The following BMP5 variants were observed in gnomAD, a reference collection of about 807,000 sequenced individuals.
BMP5 encodes the protein bone morphogenetic protein 5.
Under a neutral mutation model 46.6 loss-of-function variants are expected in BMP5, and 23 were observed. The ratio of observed to expected loss-of-function variants is 0.49; its 90% CI spans 0.35 to 0.70. The LOEUF (loss-of-function observed/expected upper bound fraction) is 0.70, where lower values mean the gene tolerates loss of function less well. BMP5 is among the 30% of genes least tolerant of loss of function. The probability of loss-of-function intolerance (pLI) is 0.00; values close to 1 mark genes in which losing one functional copy is unlikely to be tolerated. For missense variants in BMP5, 545 were observed against 565.6 expected, an observed-to-expected ratio of 0.96 and a Z score of 0.37; for synonymous variants, 204 against 191.9, an observed-to-expected ratio of 1.06 and a Z score of -0.52.
chr6:55,799,406 G>A (rs1172122967), intron 2 of BMP5, among the ~76,000 whole-genome samples: 4 of 152,128 alleles, frequency 2.6e-5, no homozygotes, highest in African/African-American at 9.7e-5. Flanking sequence ...GAGAGGAGCA[G>A]AAAGAGGAGA....
intron 1 of BMP5, among the ~76,000 whole-genome samples, chr6:55,825,117 C>A (rs1776499322): frequency 6.6e-6 from 1 of 151,718 alleles, no homozygotes; most frequent in Non-Finnish European, 1.5e-5. Context: ...AAACAAGTTG[C>A]TTTCCTATAC....
At chr6:55,820,717 G>GTTGTTTGTTTGTTTGT (rs3065793) in intron 1 of BMP5, among the ~76,000 whole-genome samples, 1 of 151,236 alleles carries the variant, frequency 6.6e-6, no homozygotes, top group African/African-American at 2.4e-5. Flanking sequence ...TCTGCCCCGT[G>GTTGTTTGTTTGTTTGT]TTGTTTGTTT....
chr6:55,822,042 C>T (rs1168335542), intron 1 of BMP5, among the ~76,000 whole-genome samples: 2 of 152,110 alleles, frequency 1.3e-5, no homozygotes, highest in Non-Finnish European at 2.9e-5. Context: ...CATATTCTGC[C>T]TCATAACAGC....
intron 1 of BMP5, among the ~76,000 whole-genome samples, chr6:55,845,674 TG>T (rs1246344284): frequency 9.9e-5 from 15 of 152,024 alleles, no homozygotes; most frequent in Non-Finnish European, 2.1e-4. Flanking sequence ...CACAGTGGAT[TG>T]AGAATTGGTT....
At position 55,803,261 on chromosome 6, in the gene BMP5, A is replaced by G. The variant is rs750594371; in HGVS notation, c.684-8834T>C. Among the ~76,000 whole-genome samples the G allele has an allele frequency of 3.7e-4, 56 of 151,884 alleles. 1 individual carries two copies. The highest frequency in any genetic ancestry group is 4.9e-4 in the Non-Finnish European group (33 of 67,972). ...CAGTGAGCTGAGATCACGCCATTGC[A>G]CTCCAGCCTATGTGACAAGAGCGAA... On this transcript the variant is annotated intron_variant, in intron 2 of 6. Transcript: ENST00000370830.
intron 2 of BMP5, among the ~76,000 whole-genome samples, chr6:55,814,366 G>A (rs933113051): frequency 2.0e-5 from 3 of 152,114 alleles, no homozygotes; most frequent in Non-Finnish European, 4.4e-5. Context: ...ATTGATGAAT[G>A]TATTTATTAT....
At chr6:55,808,392 T>G (rs1372521475) in intron 2 of BMP5, among the ~76,000 whole-genome samples, 1 of 152,090 alleles carries the variant, frequency 6.6e-6, no homozygotes, top group Non-Finnish European at 1.5e-5. Context: ...TCTCCTGCCA[T>G]AGGAGGTTAA....
intron 1 of BMP5, among the ~76,000 whole-genome samples, chr6:55,862,042 C>G (rs1777537981): frequency 6.6e-6 from 1 of 152,198 alleles, no homozygotes; most frequent in Non-Finnish European, 1.5e-5. Flanking sequence ...TCTTGCACAT[C>G]ATAAGCACTA....
At chr6:55,856,165 T>C (rs969688787) in intron 1 of BMP5, among the ~76,000 whole-genome samples, 10 of 152,346 alleles carry the variant, frequency 6.6e-5, no homozygotes, top group African/African-American at 2.4e-4. Context: ...GTCTGGTATT[T>C]TTCACTTAGC....
At position 55,874,837 on chromosome 6, in the gene BMP5, C is replaced by T; in HGVS notation, c.29G>A (p.Gly10Asp). Residue 10 changes from glycine (G) to aspartate (D), a missense_variant, in exon 1 of 7, where the codon GGT becomes GAT. Gly to Asp is a moderately conservative substitution (Grantham distance 94). Transcript: ENST00000370830. MHLTVFLLK[G>D]IVGFLWSCWV... ...GCAGCTCCAGAGGAAACCCACAATACCCTTAAGTAAAAATACAGTCAGATG... is the reference window on the plus strand; with the variant it reads ...GCAGCTCCAGAGGAAACCCACAATATCCTTAAGTAAAAATACAGTCAGATG... 4 of 1,613,096 alleles carry T rather than the reference C, an allele frequency of 2.5e-6. No individual in the cohort carries two copies. The highest frequency in any genetic ancestry group is 3.4e-6 in the Non-Finnish European group (4 of 1,179,516).
At chr6:55,772,052 A>T (rs1775058361) in intron 4 of BMP5, among the ~76,000 whole-genome samples, 1 of 151,872 alleles carries the variant, frequency 6.6e-6, no homozygotes, top group Non-Finnish European at 1.5e-5. Context: ...ATAGACACAA[A>T]CCAGCTACTT....
intron 2 of BMP5, among the ~76,000 whole-genome samples, chr6:55,815,161 T>A (rs1947136): frequency 0.5 from 72,744 of 144,550 alleles, 20,454 homozygotes; most frequent in African/African-American, 0.78. Context: ...AAGAATTGAA[T>A]TACGAAGTAT....
intron 3 of BMP5, among the ~76,000 whole-genome samples, chr6:55,790,562 A>T (rs1350050544): frequency 6.6e-6 from 1 of 152,204 alleles, no homozygotes; most frequent in Non-Finnish European, 1.5e-5. Flanking sequence ...TCACTTGCCT[A>T]ATAGCATCTG....
At chr6:55,846,863 T>G (rs1391715151) in intron 1 of BMP5, among the ~76,000 whole-genome samples, 1 of 151,390 alleles carries the variant, frequency 6.6e-6, no homozygotes, top group Non-Finnish European at 1.5e-5. Flanking sequence ...TTTATTTTTA[T>G]GTATATGCCT....
At position 55,819,705 on chromosome 6, in the gene BMP5, A is replaced by C. The variant is rs751893982; in HGVS notation, c.633T>G (p.Asn211Lys). ...GATATATGCTAATCTTAATTGTTTC[A>C]TTTTCAAATCGGTTGTTGCTCCGGT... is the stretch of plus-strand genomic sequence containing the variant. ...YKDRSNNRFE[N>K]ETIKISIYQI... The change falls in exon 2 of 7, where the codon AAT (asparagine) becomes AAG (lysine). Residue 211 changes from asparagine to lysine, a missense_variant. Asn to Lys is a moderately conservative substitution (Grantham distance 94). Transcript: ENST00000370830. 6.2e-7 allele frequency: 1 copy of C among 1,613,720 alleles called. No individual in the cohort carries two copies. The highest frequency in any genetic ancestry group is 8.5e-7 in the Non-Finnish European group (1 of 1,179,808).
At chr6:55,792,165 G>C (rs1775585211) in intron 3 of BMP5, among the ~76,000 whole-genome samples, 1 of 152,186 alleles carries the variant, frequency 6.6e-6, no homozygotes, top group Admixed American at 6.5e-5. Flanking sequence ...GGAAAAATCT[G>C]GATTTGAGAG....
chr6:55,824,893 GAC>G (rs1776493926), intron 1 of BMP5, among the ~76,000 whole-genome samples: 1 of 151,762 alleles, frequency 6.6e-6, no homozygotes, highest in Non-Finnish European at 1.5e-5. Context: ...TGTCATTTAT[GAC>G]ACACACGTTT....
intron 1 of BMP5, among the ~76,000 whole-genome samples, chr6:55,852,979 A>G (rs1028007200): frequency 2.0e-5 from 3 of 151,822 alleles, no homozygotes; most frequent in African/African-American, 7.3e-5. Flanking sequence ...AAAATACAAA[A>G]ATTAGCTGGG....
At chr6:55,794,136 AT>A in intron 3 of BMP5, 142 bp downstream of exon 3, 2 of 814,516 alleles carry the variant, frequency 2.5e-6, no homozygotes, top group Non-Finnish European at 3.8e-6. Context: ...TAACTAACTA[AT>A]ATAGTTTTGC....
Sources: gnomAD v4.1 joint callset for allele counts (sites outside exome capture counted in the v4.1 genomes callset) on GRCh38, gnomAD v4.1.1 for gene constraint, MANE v1.5 for transcripts, NCBI Gene and HGNC (gene_info 2026-07-23, HGNC 2026-07-21) for gene names.